Variants in RIMS2 observed in about 807,000 individuals in gnomAD.
The protein encoded by RIMS2 is regulating synaptic membrane exocytosis protein 2.
A neutral mutation model predicts 174.4 loss-of-function variants in RIMS2; 59 were observed. That is an observed-to-expected ratio of 0.34 (90% confidence interval 0.27 to 0.42). RIMS2 has a LOEUF of 0.42. Among genes scored for constraint, RIMS2 ranks in the 10% least tolerant of loss-of-function variants. The pLI is 1.00. For synonymous variants in RIMS2, 606 were observed against 572.5 expected (o/e 1.06, Z -0.84); for missense variants, 1,620 against 1,666.3 (o/e 0.97, Z 0.48).
intron 1 of RIMS2, among the ~76,000 whole-genome samples, chr8:103,642,189 T>C (rs1046453876): frequency 5.3e-4 from 81 of 152,170 alleles, no homozygotes; most frequent in Non-Finnish European, 4.4e-5. Flanking sequence ...AATTCTATTT[T>C]CTCTCTTAGC....
chr8:104,200,426 G>C lies in RIMS2; in HGVS notation c.3335-44490G>C, dbSNP rs566996442. ...AAAATAAATCTGGCAGAGATGTCTA[G>C]AAAGGATTAAAAGGGAGAAACTGGA... is the stretch of plus-strand genomic sequence containing the variant. On this transcript the variant is annotated intron_variant, in intron 19 of 23. Coordinates refer to ENST00000504942, the Ensembl canonical transcript of RIMS2. Among the ~76,000 whole-genome samples, 4 of 152,262 alleles carry C rather than the reference G, an allele frequency of 2.6e-5. No individual in the cohort carries two copies. In the South Asian group the frequency reaches 6.2e-4, roughly 24 times the overall value.
At chr8:103,859,715 G>A (rs192486748) in intron 3 of RIMS2, among the ~76,000 whole-genome samples, 2 of 151,948 alleles carry the variant, frequency 1.3e-5, no homozygotes, top group East Asian at 3.9e-4. Context: ...TACAAAAGAG[G>A]TTTACTTTTT....
At chr8:104,081,151 A>G (rs2097410971) in intron 19 of RIMS2, among the ~76,000 whole-genome samples, 1 of 151,964 alleles carries the variant, frequency 6.6e-6, no homozygotes, top group Non-Finnish European at 1.5e-5. Flanking sequence ...ATGATTGGCC[A>G]TTTTCAGGTC....
intron 3 of RIMS2, among the ~76,000 whole-genome samples, chr8:103,839,074 G>A (rs1488260386): frequency 1.3e-5 from 2 of 151,846 alleles, no homozygotes; most frequent in East Asian, 3.9e-4. Context: ...CAAAAAAAAA[G>A]GCCTATTAAT....
chr8:104,142,142 T>C (rs554249827), intron 19 of RIMS2, among the ~76,000 whole-genome samples: 53 of 151,808 alleles, frequency 3.5e-4, no homozygotes, highest in Non-Finnish European at 6.9e-4. Flanking sequence ...TTTTTTCTTT[T>C]TGCGACAGAG....
At chr8:104,247,608 C>A (rs1563987379) in intron 20 of RIMS2, among the ~76,000 whole-genome samples, 1 of 152,140 alleles carries the variant, frequency 6.6e-6, no homozygotes, top group Non-Finnish European at 1.5e-5. Flanking sequence ...CCAAGGTTGA[C>A]CAGTTGGAAG....
intron 2 of RIMS2, among the ~76,000 whole-genome samples, chr8:103,719,738 G>A (rs778791136): frequency 6.6e-6 from 1 of 152,086 alleles, no homozygotes; most frequent in South Asian, 2.1e-4. Flanking sequence ...AACTTACACT[G>A]TATGGTAAAT....
In RIMS2 at chr8:103,967,170, G is replaced by GTTTTTTTTTTTTTTT. The variant is rs71575988; in HGVS notation, c.2770+6053_2770+6067dup. On this transcript the variant is annotated intron_variant, in intron 15 of 23. Transcript: ENST00000504942. ...TTTTCTGCCTGCTTGATCTGTTCTT[G>GTTTTTTTTTTTTTTT]TTTTTTTTTTTTTTTTTTTTTTTTT... Among the ~76,000 whole-genome samples, 17 of 24,962 alleles carry GTTTTTTTTTTTTTTT rather than the reference G, an allele frequency of 6.8e-4. 3 individuals carry two copies. The highest frequency in any genetic ancestry group is 2.1e-3 in the African/African-American group (10 of 4,738). The allele number at this position is 24,962 out of a possible 152,430, so 16.4% of individuals were successfully genotyped here.
intron 3 of RIMS2, among the ~76,000 whole-genome samples, chr8:103,844,187 G>A (rs892332825): frequency 3.3e-5 from 5 of 152,150 alleles, no homozygotes; most frequent in Admixed American, 1.3e-4. Context: ...TCTCAGGTAT[G>A]TCTTTATCAG....
chr8:103,728,920 A>G (rs1457222949), intron 2 of RIMS2, among the ~76,000 whole-genome samples: 3 of 152,008 alleles, frequency 2.0e-5, no homozygotes, highest in African/African-American at 4.8e-5. Context: ...TCCCTGGGAT[A>G]AATCTCATTT....
At chr8:104,224,005 G>A (rs2099169781) in intron 19 of RIMS2, among the ~76,000 whole-genome samples, 1 of 152,242 alleles carries the variant, frequency 6.6e-6, no homozygotes. Context: ...GCCGACTTGG[G>A]AAAAGGCTCT....
chr8:103,545,806 G>A lies in RIMS2; in HGVS notation c.176+44744G>A, dbSNP rs562935735. 2.1e-4 allele frequency among the ~76,000 whole-genome samples: 11 copies of A among 53,132 alleles called. No individual in the cohort carries two copies. In the East Asian group the frequency reaches 2.7e-3, roughly 13 times the overall value. 34.9% of individuals were successfully genotyped at this position (53,132 alleles called of 152,430 possible). On this transcript the variant is annotated intron_variant, in intron 1 of 23. Transcript: ENST00000504942. ...TCATAAATGAAGGAGAAATAAGATC[G>A]ATCCTTTTTTAACAAGTAAGGTCCT... is the stretch of plus-strand genomic sequence containing the variant.
chr8:103,714,351 A>C (rs1042597535), intron 2 of RIMS2, among the ~76,000 whole-genome samples: 2 of 152,198 alleles, frequency 1.3e-5, no homozygotes, highest in African/African-American at 4.8e-5. Context: ...AATATAAACT[A>C]TACAGACAGA....
intron 1 of RIMS2, among the ~76,000 whole-genome samples, chr8:103,557,369 G>T (rs1181583736): frequency 6.6e-6 from 1 of 152,062 alleles, no homozygotes; most frequent in Non-Finnish European, 1.5e-5. Flanking sequence ...CCCCTTACCT[G>T]TCTTTCTGGG....
chr8:104,250,177 T>C (rs984719946), intron 22 of RIMS2, among the ~76,000 whole-genome samples: 1 of 152,220 alleles, frequency 6.6e-6, no homozygotes, highest in Non-Finnish European at 1.5e-5. Context: ...TCCAAATACA[T>C]TGTGTAGAGA....
At chr8:103,658,018 G>C (rs564452704) in intron 1 of RIMS2, among the ~76,000 whole-genome samples, 1 of 152,160 alleles carries the variant, frequency 6.6e-6, no homozygotes, top group Admixed American at 6.5e-5. Flanking sequence ...TCACAACTCC[G>C]ATACCGTAGT....
At position 104,154,140 on chromosome 8, in the gene RIMS2, G is replaced by A. The variant is rs1322682779; in HGVS notation, c.3335-90776G>A. On this transcript the variant is annotated intron_variant, in intron 19 of 23. Coordinates refer to ENST00000504942, the Ensembl canonical transcript of RIMS2. ...CACAACAAAGTTATGAAGGAGGAAT[G>A]AGTTATTATCTCCATTCGATAGATG... Among the ~76,000 whole-genome samples, 3 of 152,176 alleles carry A rather than the reference G, an allele frequency of 2.0e-5. No homozygotes were observed. The East Asian group carries it at 5.8e-4, about 29-fold the overall frequency.
chr8:103,927,189 T>C (rs1379178320), intron 10 of RIMS2, among the ~76,000 whole-genome samples: 1 of 151,554 alleles, frequency 6.6e-6, no homozygotes, highest in East Asian at 1.9e-4. Flanking sequence ...CAGTGTTATC[T>C]TGAGTGATAC....
At chr8:104,238,769 A>G (rs1466658226) in intron 19 of RIMS2, among the ~76,000 whole-genome samples, 6 of 152,230 alleles carry the variant, frequency 3.9e-5, no homozygotes, top group Non-Finnish European at 8.8e-5. Flanking sequence ...CAATAATTTT[A>G]GAAATTCATT....
Sources: allele counts gnomAD v4.1 joint callset (sites outside exome capture counted in the v4.1 genomes callset), GRCh38; gene constraint gnomAD v4.1.1; transcripts MANE v1.5; gene names NCBI Gene and HGNC (gene_info 2026-07-23, HGNC 2026-07-21).